GLP2R: variants seen among roughly 807,000 people sequenced by gnomAD.
GLP2R encodes glucagon like peptide 2 receptor, also known as glucagon-like peptide 2 receptor.
Under a neutral mutation model 68.2 loss-of-function variants are expected in GLP2R, and 59 were observed. The observed-to-expected ratio is 0.87, with a 90% confidence interval of 0.70 to 1.07. The LOEUF (loss-of-function observed/expected upper bound fraction) is 1.07. Among genes scored for constraint, GLP2R ranks in the 50% least tolerant of loss-of-function variants. The pLI is 0.00. For missense variants in GLP2R, 548 were observed against 677.4 expected (o/e 0.81, Z 2.12); for synonymous variants, 270 against 265.4 (o/e 1.02, Z -0.17).
At chr17:9,837,291 A>C (rs2066741251) in intron 3 of GLP2R, among the ~76,000 whole-genome samples, 1 of 152,170 alleles carries the variant, frequency 6.6e-6, no homozygotes, top group African/African-American at 2.4e-5. Context: ...AGCCTCTGGC[A>C]ACCATCCTTC....
chr17:9,869,284 A>T (rs890677782), intron 9 of GLP2R, among the ~76,000 whole-genome samples: 2 of 152,224 alleles, frequency 1.3e-5, no homozygotes, highest in African/African-American at 4.8e-5. Context: ...GAAATGCAGA[A>T]GTACAAATCT....
At position 9,879,340 on chromosome 17, in the gene GLP2R, T is replaced by TAAAATAAAATAAAATAAA. The variant is rs1567737400; in HGVS notation, c.1146-1031_1146-1030insAATAAAATAAAAAAATAA. The stretch of plus-strand genomic sequence containing the variant: ...TAAAATAAAATAAAATAAAATAAAA[T>TAAAATAAAATAAAATAAA]AAAATAATTATCCAGGCACAGTTGT... On this transcript the variant is annotated intron_variant, in intron 10 of 12. Coordinates refer to ENST00000262441, the MANE Select transcript of GLP2R (RefSeq NM_004246.3). Among the ~76,000 whole-genome samples, 20 of 111,164 alleles carry TAAAATAAAATAAAATAAA rather than the reference T, an allele frequency of 1.8e-4. 1 individual carries two copies. The East Asian group carries it at 4.0e-3, about 22-fold the overall frequency. The allele number at this position is 111,164 out of a possible 152,430, so 72.9% of individuals were successfully genotyped here.
intron 4 of GLP2R, among the ~76,000 whole-genome samples, chr17:9,850,460 CA>C (rs1244044253): frequency 1.3e-5 from 2 of 152,180 alleles, no homozygotes; most frequent in African/African-American, 4.8e-5. Flanking sequence ...CGTTGAAATG[CA>C]GGCCATAAGT....
chr17:9,847,765 A>G (rs1229846829), intron 4 of GLP2R, among the ~76,000 whole-genome samples: 2 of 152,160 alleles, frequency 1.3e-5, no homozygotes, highest in Non-Finnish European at 2.9e-5. Flanking sequence ...TTCATAAACT[A>G]GCTATTTGGT....
chr17:9,836,634 T>C (rs549125547), intron 3 of GLP2R, among the ~76,000 whole-genome samples, 159 bp downstream of exon 3: 1 of 152,158 alleles, frequency 6.6e-6, no homozygotes, highest in East Asian at 1.9e-4. Flanking sequence ...TGTATGTATA[T>C]ATTTATTTTT....
intron 11 of GLP2R, among the ~76,000 whole-genome samples, chr17:9,882,068 AT>A (rs2067201957): frequency 6.6e-6 from 1 of 151,268 alleles, no homozygotes; most frequent in African/African-American, 2.4e-5. Flanking sequence ...AATGAGAAGG[AT>A]TCAGTCAAGA....
chr17:9,883,240 C>G (rs1445866611), intron 11 of GLP2R, among the ~76,000 whole-genome samples: 1 of 151,972 alleles, frequency 6.6e-6, no homozygotes, highest in East Asian at 1.9e-4. Flanking sequence ...ATTAGGAAAG[C>G]TTAGATTTAA....
In GLP2R at chr17:9,857,447, C is replaced by T. The variant is rs1047791144; in HGVS notation, c.636C>T (p.Tyr212=). 6.2e-7 allele frequency: 1 copy of T among 1,614,220 alleles called. No homozygotes were observed. The highest frequency in any genetic ancestry group is 8.5e-7 in the Non-Finnish European group (1 of 1,180,034). The change falls in exon 6 of 13, where the codon TAC becomes TAT. Residue 212 remains tyrosine, a synonymous_variant. Transcript: ENST00000262441. ...GAAAACTCCACTGCACGCGCAACTA[C>T]ATCCACATGAACTTGTTTGCTTCTT... ...FLRKLHCTRN[Y]IHMNLFASFI... is the part of the protein sequence containing the mutation.
intron 2 of GLP2R, chr17:9,834,700 G>C (rs1433357496): frequency 3.3e-5 from 5 of 152,318 alleles, no homozygotes; most frequent in Non-Finnish European, 7.3e-5. Flanking sequence ...AGGACACTGT[G>C]AACTCTCCCT....
chr17:9,889,846 C>CA lies in GLP2R; in HGVS notation c.*143dup, dbSNP rs1054017921. The CA allele has an allele frequency of 1.8e-5, 11 of 626,968 alleles. No individual in the cohort carries two copies. The highest frequency in any genetic ancestry group is 3.1e-5 in the Non-Finnish European group (11 of 356,408). The allele number at this position is 626,968 out of a possible 1,614,324, so 38.8% of individuals were successfully genotyped here. A position where few individuals can be genotyped will look rare whatever the true frequency, so the allele number is the denominator to read the frequency against. The stretch of plus-strand genomic sequence containing the variant: ...TGCCACTTTGATATGAAAGCTATCA[C>CA]AAGGTTCTTCAAGCTCTGTATGAAA... On this transcript the variant is annotated 3_prime_UTR_variant, in exon 13 of 13. Transcript: ENST00000262441.
intron 4 of GLP2R, among the ~76,000 whole-genome samples, chr17:9,846,419 C>A (rs1443666441): frequency 2.0e-5 from 3 of 152,152 alleles, no homozygotes; most frequent in African/African-American, 7.2e-5. Flanking sequence ...AGTTTGAGAT[C>A]AGCCTGGGCA....
At chr17:9,863,356 G>A (rs1525059) in intron 9 of GLP2R, among the ~76,000 whole-genome samples, 97,853 of 152,060 alleles carry the variant, frequency 0.64, 32,086 homozygotes, top group East Asian at 0.77. Flanking sequence ...CAACCAACCT[G>A]TGAAGATATG....
chr17:9,861,244 C>T, intron 8 of GLP2R, 45 bp downstream of exon 8: 2 of 1,216,384 alleles, frequency 1.6e-6, no homozygotes, highest in Non-Finnish European at 2.4e-6. Context: ...CCGGTAATTC[C>T]CAGGCATGCC....
In GLP2R at chr17:9,835,084, A is replaced by C. The variant is rs578044039; in HGVS notation, c.277+1190A>C. Among the ~76,000 whole-genome samples the C allele has an allele frequency of 2.8e-4, 38 of 133,456 alleles. No individual in the cohort carries two copies. The South Asian group carries it at 9.1e-3, about 32-fold the overall frequency. 87.6% of individuals were successfully genotyped at this position (133,456 alleles called of 152,430 possible). A position where few individuals can be genotyped will look rare whatever the true frequency, so the allele number is the denominator to read the frequency against. On this transcript the variant is annotated intron_variant, in intron 2 of 12. Coordinates refer to ENST00000262441, the MANE Select transcript of GLP2R (RefSeq NM_004246.3). ...TCACTCTGTTGCCAAGCTGGAGTGC[A>C]GTGGCGCGATCTCAGCTCACTACAA...
At chr17:9,877,618 G>A (rs931537927) in intron 10 of GLP2R, among the ~76,000 whole-genome samples, 5 of 152,022 alleles carry the variant, frequency 3.3e-5, no homozygotes, top group East Asian at 1.9e-4. Context: ...TGCCGGGGGC[G>A]GTGGCTCAAA....
At chr17:9,883,085 A>G (rs2067211964) in intron 11 of GLP2R, among the ~76,000 whole-genome samples, 2 of 152,164 alleles carry the variant, frequency 1.3e-5, no homozygotes, top group African/African-American at 4.8e-5. Flanking sequence ...CAAAGCTATT[A>G]TAAACATGTT....
Position 9,881,329 on chromosome 17 carries a change from A to ATAGGGCAGTT in GLP2R, c.1284+814_1284+823dup, listed in dbSNP as rs1555574327. On this transcript the variant is annotated intron_variant, in intron 11 of 12. Coordinates refer to ENST00000262441, the MANE Select transcript of GLP2R (RefSeq NM_004246.3). Reference sequence around the variant, plus strand: ...TTTCTCCTTGTGGTCTCTCCACAGGATAGGGCAGTTCAGGGCTCCCAAGAG... The same window carrying ATAGGGCAGTT: ...TTTCTCCTTGTGGTCTCTCCACAGGATAGGGCAGTTTAGGGCAGTTCAGGGCTCCCAAGAG... Among the ~76,000 whole-genome samples the ATAGGGCAGTT allele has an allele frequency of 5.8e-3, 860 of 148,238 alleles. 14 individuals are homozygous for ATAGGGCAGTT. The highest frequency in any genetic ancestry group is 0.02 in the African/African-American group (800 of 40,834).
chr17:9,867,810 G>T (rs1349248831), intron 9 of GLP2R, among the ~76,000 whole-genome samples: 1 of 152,210 alleles, frequency 6.6e-6, no homozygotes, highest in East Asian at 1.9e-4. Context: ...ATTTGCTATT[G>T]TTGAATCTTC....
chr17:9,846,601 AGAGT>A (rs1328163304), intron 4 of GLP2R, among the ~76,000 whole-genome samples: 1 of 152,236 alleles, frequency 6.6e-6, no homozygotes, highest in Non-Finnish European at 1.5e-5. Context: ...CTTTGGTGAC[AGAGT>A]GAGACTCTGT....
Sources: gnomAD v4.1 joint callset for allele counts (sites outside exome capture counted in the v4.1 genomes callset) on GRCh38, gnomAD v4.1.1 for gene constraint, MANE v1.5 for transcripts, NCBI Gene and HGNC (gene_info 2026-07-23, HGNC 2026-07-21) for gene names.